ZNF722: variants seen among roughly 807,000 people sequenced by gnomAD.
ZNF722 encodes zinc finger protein 479 pseudogene.
chr7:64,002,570 G>A, the ZNF722 span, among the ~76,000 whole-genome samples: 1 of 152,084 alleles, frequency 6.6e-6, no homozygotes, highest in Non-Finnish European at 1.5e-5. Context: ...AGTAATGATA[G>A]AGAAACATAA....
At chr7:63,999,078 A>G in the ZNF722 span, 65 of 1,470,910 alleles carry the variant, frequency 4.4e-5, 1 homozygote, top group Middle Eastern at 1.5e-3. Flanking sequence ...GCAGGACCCA[A>G]ACTTCCTCGC....
At chr7:64,015,641 T>C in the ZNF722 span, 2 of 1,613,954 alleles carry the variant, frequency 1.2e-6, no homozygotes, top group African/African-American at 1.3e-5. Flanking sequence ...GAATTCATAC[T>C]GGAGAGAGAC....
the ZNF722 span, among the ~76,000 whole-genome samples, chr7:64,017,350 C>CA: frequency 0.71 from 107,170 of 151,608 alleles, 38,492 homozygotes; most frequent in Non-Finnish European, 0.77. Context: ...AGCTGCTACA[C>CA]TGCAGCCTGG....
the ZNF722 span, among the ~76,000 whole-genome samples, chr7:64,000,837 G>T: frequency 6.6e-6 from 1 of 152,056 alleles, no homozygotes; most frequent in Non-Finnish European, 1.5e-5. Flanking sequence ...GAGTGCATTG[G>T]TGTGATCTCA....
At chr7:64,005,869 G>C in the ZNF722 span, 3 of 880,228 alleles carry the variant, frequency 3.4e-6, no homozygotes, top group Admixed American at 8.5e-5. Context: ...GGGATTCATT[G>C]GTGTAGAACA....
At chr7:64,000,496 G>A in the ZNF722 span, among the ~76,000 whole-genome samples, 2 of 116,460 alleles carry the variant, frequency 1.7e-5, no homozygotes, top group African/African-American at 6.6e-5. Context: ...TGTCCTTCAG[G>A]CTGGAGTGCA....
the ZNF722 span, among the ~76,000 whole-genome samples, chr7:64,000,781 C>T: frequency 1.7e-4 from 26 of 148,836 alleles, no homozygotes; most frequent in East Asian, 4.8e-3. Flanking sequence ...TTTTTTTTGG[C>T]GGGGGGAGCG....
chr7:64,017,215 C>G, the ZNF722 span, among the ~76,000 whole-genome samples: 1 of 152,130 alleles, frequency 6.6e-6, no homozygotes, highest in Non-Finnish European at 1.5e-5. Flanking sequence ...GAAAGCCCAT[C>G]TCTACTAAAA....
the ZNF722 span, among the ~76,000 whole-genome samples, chr7:64,004,955 A>T: frequency 3.9e-5 from 6 of 152,192 alleles, no homozygotes; most frequent in Non-Finnish European, 7.3e-5. Flanking sequence ...AAGACTTGAG[A>T]GGTACCTTCC....
the ZNF722 span, among the ~76,000 whole-genome samples, chr7:64,004,139 G>A: frequency 4.6e-5 from 7 of 151,836 alleles, no homozygotes; most frequent in East Asian, 1.4e-3. Flanking sequence ...AGTGTCTCAG[G>A]CTTGTAATCC....
the ZNF722 span, chr7:64,015,343 C>T: frequency 1.4e-5 from 19 of 1,397,748 alleles, no homozygotes; most frequent in African/African-American, 7.1e-5. Context: ...TATGGCAAAT[C>T]GTTTTGCATG....
the ZNF722 span, among the ~76,000 whole-genome samples, chr7:64,014,156 C>T: frequency 6.6e-6 from 1 of 151,976 alleles, no homozygotes; most frequent in African/African-American, 2.4e-5. Context: ...TCATTTTTTA[C>T]ATTACTTTTT....
At chr7:63,999,126 TC>T in the ZNF722 span, 1 of 1,124,482 alleles carries the variant, frequency 8.9e-7, no homozygotes, top group Non-Finnish European at 1.3e-6. Flanking sequence ...ATCCTCCTTG[TC>T]CCAGCTCGGC....
At chr7:64,013,085 C>A in the ZNF722 span, among the ~76,000 whole-genome samples, 4 of 152,072 alleles carry the variant, frequency 2.6e-5, no homozygotes, top group East Asian at 1.9e-4. Flanking sequence ...CCAAAGAAAT[C>A]TTTTTCTTTA....
the ZNF722 span, among the ~76,000 whole-genome samples, chr7:64,004,424 A>AT: frequency 1.8e-3 from 162 of 90,666 alleles, no homozygotes; most frequent in Middle Eastern, 9.6e-3. Context: ...AAAAAAAAAA[A>AT]AATATATATA....
chr7:64,015,575 A>G, the ZNF722 span: 1 of 1,613,704 alleles, frequency 6.2e-7, no homozygotes, highest in Non-Finnish European at 8.5e-7. Flanking sequence ...AACCCTACAC[A>G]TGTGAAGAAT....
chr7:64,008,511 C>T, the ZNF722 span, among the ~76,000 whole-genome samples: 144 of 152,286 alleles, frequency 9.5e-4, no homozygotes, highest in African/African-American at 3.4e-3. Context: ...ATCCTTTCCC[C>T]ATTTCTTGTT....
the ZNF722 span, among the ~76,000 whole-genome samples, chr7:64,000,309 A>C: frequency 6.8e-6 from 1 of 148,148 alleles, no homozygotes; most frequent in Non-Finnish European, 1.5e-5. Flanking sequence ...TTGTATTTTT[A>C]ATAGAGACGG....
At chr7:64,001,586 T>C in the ZNF722 span, among the ~76,000 whole-genome samples, 85 of 152,322 alleles carry the variant, frequency 5.6e-4, no homozygotes, top group Non-Finnish European at 1.5e-4. Flanking sequence ...TAGAATAACT[T>C]ACATTCATTG....
Sources: gnomAD v4.1 joint callset for allele counts (sites outside exome capture counted in the v4.1 genomes callset) on GRCh38, gnomAD v4.1.1 for gene constraint, MANE v1.5 for transcripts, NCBI Gene and HGNC (gene_info 2026-07-23, HGNC 2026-07-21) for gene names.